Variants in GCKR observed in about 807,000 individuals in gnomAD.
GCKR encodes glucokinase regulatory protein.
A neutral mutation model predicts 82.9 loss-of-function variants in GCKR; 73 were observed. That is an observed-to-expected ratio of 0.88 (90% CI 0.73 to 1.07). The LOEUF is 1.07. Among genes scored for constraint, GCKR ranks in the 50% least tolerant of loss-of-function variants. The pLI is 0.00. For synonymous variants in GCKR, 294 were observed against 291.8 expected, an observed-to-expected ratio of 1.01 and a Z score of -0.08; for missense variants, 784 against 782.1, an observed-to-expected ratio of 1.00 and a Z score of -0.03.
At chr2:27,501,825 A>T in intron 8 of GCKR, 1 of 469,844 alleles carries the variant, frequency 2.1e-6, no homozygotes, top group South Asian at 1.6e-5. Flanking sequence ...TCAACATATT[A>T]AACCAGTAGT....
chr2:27,519,442 C>G (rs1007012368), intron 17 of GCKR, among the ~76,000 whole-genome samples: 5 of 152,080 alleles, frequency 3.3e-5, no homozygotes, highest in African/African-American at 1.2e-4. Flanking sequence ...GCTGGGATTA[C>G]AGGCACCCCC....
chr2:27,512,235 C>CAAAA (rs60079696), intron 16 of GCKR, among the ~76,000 whole-genome samples: 40 of 46,168 alleles, frequency 8.7e-4, no homozygotes, highest in East Asian at 1.4e-3. Context: ...GACTCCATCT[C>CAAAA]AAAAAAAAAA....
intron 16 of GCKR, among the ~76,000 whole-genome samples, chr2:27,508,929 T>C (rs1669814746): frequency 2.0e-5 from 3 of 151,994 alleles, no homozygotes; most frequent in African/African-American, 7.3e-5. Context: ...TTTATGTGCA[T>C]ATAGTCCCTG....
chr2:27,515,543 T>C (rs1669981395), intron 16 of GCKR, among the ~76,000 whole-genome samples: 1 of 152,268 alleles, frequency 6.6e-6, no homozygotes, highest in African/African-American at 2.4e-5. Flanking sequence ...CCCAAAGCAC[T>C]GGGATTATAG....
chr2:27,497,530 C>G, intron 2 of GCKR, 32 bp from the exon 3 acceptor site: 2 of 1,589,612 alleles, frequency 1.3e-6, no homozygotes, highest in Non-Finnish European at 1.7e-6. Flanking sequence ...TCCTCCTTTT[C>G]TTGGCTTCTC....
intron 17 of GCKR, among the ~76,000 whole-genome samples, chr2:27,521,791 C>T (rs956329530): frequency 1.3e-5 from 2 of 151,954 alleles, no homozygotes; most frequent in East Asian, 1.9e-4. Flanking sequence ...TGGCACCATC[C>T]GGCTCACTAC....
Position 27,523,389 on chromosome 2 carries a change from C to T in GCKR, c.1828C>T (p.Gln610Ter), listed in dbSNP as rs755683893. The T allele has an allele frequency of 4.3e-5, 69 of 1,611,640 alleles. No individual in the cohort carries two copies. The highest frequency in any genetic ancestry group is 5.8e-5 in the Non-Finnish European group (68 of 1,180,010). Reference sequence around the variant, plus strand: ...CAGGAGTGCTCTTGCTGGGCCAGGTCAGAAGCGCACTGCGGACCCCCTCGA... The same window carrying T: ...CAGGAGTGCTCTTGCTGGGCCAGGTTAGAAGCGCACTGCGGACCCCCTCGA... ...AVRSALAGPG[Q>*]KRTADPLEIL... Residue 610 changes from glutamine (Q) to a stop codon, truncating the protein, a stop_gained, in exon 19 of 19, where the codon CAG becomes TAG. Transcript: ENST00000264717. LOFTEE classifies it high-confidence loss of function.
intron 16 of GCKR, among the ~76,000 whole-genome samples, chr2:27,510,224 TG>T (rs1669849777): frequency 6.6e-6 from 1 of 152,006 alleles, no homozygotes; most frequent in African/African-American, 2.4e-5. Context: ...TTAGCCAGGA[TG>T]GTCTCGATCT....
chr2:27,511,681 T>C (rs549383100), intron 16 of GCKR, among the ~76,000 whole-genome samples: 332 of 151,558 alleles, frequency 2.2e-3, no homozygotes, highest in Non-Finnish European at 3.5e-3. Flanking sequence ...AAACTCTGTC[T>C]CAAAAAAAAA....
Position 27,506,555 on chromosome 2 carries a change from C to A in GCKR, c.944C>A (p.Thr315Asn), listed in dbSNP as rs1313795677. The A allele has an allele frequency of 1.2e-6, 2 of 1,612,120 alleles. No homozygotes were observed. Among genetic ancestry groups the A allele is most frequent in the Non-Finnish European group, 1.7e-6 (2 of 1,178,320 alleles). Residue 315 changes from threonine to asparagine, a missense_variant, in exon 11 of 19, where the codon ACC becomes AAC. Thr to Asn is a moderately conservative substitution (Grantham distance 65). Coordinates refer to ENST00000264717, the MANE Select transcript of GCKR (RefSeq NM_001486.4). ...VTYSQSPKIA[T>N]LMKSVSTSLE... is the part of the protein sequence containing the mutation. ...TACAGCCAAAGCCCCAAGATTGCCA[C>A]CCTGATGAAGAGTGTCAGCACCAGG...
chr2:27,518,644 C>A (rs552427937), intron 16 of GCKR, 144 bp from the exon 17 acceptor site: 1 of 755,058 alleles, frequency 1.3e-6, no homozygotes, highest in Non-Finnish European at 2.4e-6. Context: ...AACATTTAAA[C>A]GCTGGGCTGC....
In GCKR at chr2:27,497,570, C is replaced by T; in HGVS notation, c.225C>T (p.Tyr75=). The change falls in exon 3 of 19, where the codon TAC becomes TAT. Residue 75 remains tyrosine, a synonymous_variant. Coordinates refer to ENST00000264717, the MANE Select transcript of GCKR (RefSeq NM_001486.4). ...CTGCATATTCCCTACAGAGACTCTA[C>T]AGCGAATCCATTCTGACCACCATGG... The part of the protein sequence containing the change: ...GQALSTYQRL[Y]SESILTTMVQ... The T allele has an allele frequency of 2.5e-6, 4 of 1,611,444 alleles. No individual in the cohort carries two copies. The highest frequency in any genetic ancestry group is 3.4e-6 in the Non-Finnish European group (4 of 1,177,508).
chr2:27,512,534 CA>C (rs112331095), intron 16 of GCKR, among the ~76,000 whole-genome samples: 17,791 of 91,984 alleles, frequency 0.19, 1,769 homozygotes, highest in African/African-American at 0.39. Flanking sequence ...GACTCCATCT[CA>C]AAAAAAAAAA....
At position 27,506,850 on chromosome 2, in the gene GCKR, TG is replaced by T; in HGVS notation, c.1033del (p.Asp345MetfsTer3). 1 of 1,613,158 alleles carries T rather than the reference TG, an allele frequency of 6.2e-7. No individual in the cohort carries two copies. The highest frequency in any genetic ancestry group is 8.5e-7 in the Non-Finnish European group (1 of 1,179,098). On this transcript the variant is annotated frameshift_variant, in exon 12 of 19. Transcript: ENST00000264717. LOFTEE classifies it high-confidence loss of function. ...GWQTLGIIAI[M>X]DGVECIHTFG... Reference sequence around the variant, plus strand: ...CAGACCCTGGGCATCATTGCCATCATGGATGGAGTAGAGTGCATCCACACCT... The same window carrying T: ...CAGACCCTGGGCATCATTGCCATCATGATGGAGTAGAGTGCATCCACACCT...
At chr2:27,499,883 G>A (rs924981517) in intron 7 of GCKR, among the ~76,000 whole-genome samples, 3 of 151,430 alleles carry the variant, frequency 2.0e-5, no homozygotes, top group Non-Finnish European at 2.9e-5. Flanking sequence ...TCAGCCTCCC[G>A]AAAAGCTGGG....
intron 9 of GCKR, among the ~76,000 whole-genome samples, chr2:27,504,176 T>C (rs758771119): frequency 2.6e-5 from 4 of 152,216 alleles, no homozygotes; most frequent in Non-Finnish European, 5.9e-5. Context: ...TGCCTCCCTC[T>C]ACCAGTGGTG....
chr2:27,497,515 C>A (rs1466376440), intron 2 of GCKR, 47 bp from the exon 3 acceptor site: 1 of 1,566,148 alleles, frequency 6.4e-7, no homozygotes, highest in East Asian at 2.2e-5. Context: ...CTCCCCCATT[C>A]ATCGTCCTCC....
intron 9 of GCKR, among the ~76,000 whole-genome samples, chr2:27,504,447 C>T (rs10169261): frequency 0.44 from 65,795 of 151,118 alleles, 15,094 homozygotes; most frequent in African/African-American, 0.56. Flanking sequence ...AACCTCTGCT[C>T]CCCTAGTTCA....
At chr2:27,500,485 C>T (rs1669548172) in intron 7 of GCKR, among the ~76,000 whole-genome samples, 1 of 152,204 alleles carries the variant, frequency 6.6e-6, no homozygotes, top group African/African-American at 2.4e-5. Context: ...TACATATGGT[C>T]TAAGGCCTCT....
Sources: allele counts gnomAD v4.1 joint callset (sites outside exome capture counted in the v4.1 genomes callset), GRCh38; gene constraint gnomAD v4.1.1; transcripts MANE v1.5; gene names NCBI Gene and HGNC (gene_info 2026-07-23, HGNC 2026-07-21).